Variants in LINGO2 observed in about 807,000 individuals in gnomAD.
The protein encoded by LINGO2 is leucine rich repeat and Ig domain containing 2.
A neutral mutation model predicts 30.6 loss-of-function variants in LINGO2; 14 were observed. That is an observed-to-expected ratio of 0.46 (90% CI 0.30 to 0.72). The LOEUF (loss-of-function observed/expected upper bound fraction) is 0.72, where lower values mean the gene tolerates loss of function less well. Among genes scored for constraint, LINGO2 ranks in the 30% least tolerant of loss-of-function variants. The pLI, the probability that LINGO2 is intolerant of heterozygous loss-of-function variation, is 0.07. For missense variants in LINGO2, 729 were observed against 751.7 expected (o/e 0.97, Z 0.35); for synonymous variants, 317 against 288.5 (o/e 1.10, Z -1.00).
chr9:28,050,887 T>G (rs1013807823), intron 4 of LINGO2, among the ~76,000 whole-genome samples: 1 of 150,998 alleles, frequency 6.6e-6, no homozygotes, highest in Non-Finnish European at 1.5e-5. Flanking sequence ...GAGTAATAAA[T>G]ACCATTAATC....
At chr9:29,077,781 GGGAAA>G in the LINGO2 span, among the ~76,000 whole-genome samples, 1 of 151,770 alleles carries the variant, frequency 6.6e-6, no homozygotes, top group African/African-American at 2.4e-5. Context: ...AAACAATGTG[GGGAAA>G]CATATCAACC....
intron 4 of LINGO2, among the ~76,000 whole-genome samples, chr9:28,141,779 A>G (rs1220953295): frequency 6.6e-6 from 1 of 152,038 alleles, no homozygotes; most frequent in Non-Finnish European, 1.5e-5. Flanking sequence ...AGCTGGGGTG[A>G]CCCATGCCTG....
At chr9:29,073,952 G>C in the LINGO2 span, among the ~76,000 whole-genome samples, 1 of 152,088 alleles carries the variant, frequency 6.6e-6, no homozygotes, top group African/African-American at 2.4e-5. Context: ...AACTATGAAA[G>C]CTACCATTCA....
chr9:28,330,814 G>A (rs1825391840), intron 3 of LINGO2, among the ~76,000 whole-genome samples: 1 of 152,104 alleles, frequency 6.6e-6, no homozygotes, highest in Non-Finnish European at 1.5e-5. Context: ...GACATGTGGT[G>A]TTCAAAAGAG....
the LINGO2 span, among the ~76,000 whole-genome samples, chr9:29,133,436 A>T: frequency 2.6e-4 from 39 of 152,250 alleles, no homozygotes; most frequent in Admixed American, 1.4e-3. Context: ...TCAGTATATT[A>T]AAGAACCTTG....
intron 4 of LINGO2, among the ~76,000 whole-genome samples, chr9:28,029,295 G>A (rs1587723387): frequency 6.6e-6 from 1 of 152,136 alleles, no homozygotes; most frequent in South Asian, 2.1e-4. Context: ...TCTTGGGAGT[G>A]GGATCCAGGA....
chr9:28,983,488 A>C, the LINGO2 span, among the ~76,000 whole-genome samples: 4 of 151,896 alleles, frequency 2.6e-5, no homozygotes, highest in Admixed American at 6.6e-5. Context: ...TAAAGTTCTT[A>C]AGTATAAAAT....
the LINGO2 span, among the ~76,000 whole-genome samples, chr9:28,769,397 C>A: frequency 7.5e-6 from 1 of 133,604 alleles, no homozygotes; most frequent in Non-Finnish European, 1.6e-5. Context: ...TCTTTAAGTA[C>A]AAGACATTGG....
chr9:28,853,382 A>G, the LINGO2 span, among the ~76,000 whole-genome samples: 1 of 152,064 alleles, frequency 6.6e-6, no homozygotes, highest in African/African-American at 2.4e-5. Flanking sequence ...ATGTAATGGT[A>G]TGCTATCAAG....
chr9:28,455,148 A>G (rs16913128), intron 2 of LINGO2, among the ~76,000 whole-genome samples: 3,701 of 152,086 alleles, frequency 0.024, 142 homozygotes, highest in African/African-American at 0.082. Context: ...CATCATGCTT[A>G]CCACATAGAA....
intron 1 of LINGO2, among the ~76,000 whole-genome samples, chr9:28,653,340 A>T (rs967714890): frequency 2.6e-5 from 4 of 152,142 alleles, no homozygotes; most frequent in African/African-American, 9.7e-5. Context: ...AATGCTAGAG[A>T]ATCTTGCAAT....
chr9:28,160,943 T>C (rs979298073), intron 4 of LINGO2, among the ~76,000 whole-genome samples: 1 of 152,172 alleles, frequency 6.6e-6, no homozygotes, highest in Non-Finnish European at 1.5e-5. Context: ...CCCATGCTCC[T>C]GAACAGTGTT....
At chr9:28,429,380 A>G (rs1288243715) in intron 2 of LINGO2, among the ~76,000 whole-genome samples, 8 of 152,160 alleles carry the variant, frequency 5.3e-5, no homozygotes, top group Non-Finnish European at 5.9e-5. Context: ...GTATAATGAC[A>G]ATGTGTTAGT....
At chr9:28,949,087 C>T in the LINGO2 span, among the ~76,000 whole-genome samples, 5 of 152,110 alleles carry the variant, frequency 3.3e-5, no homozygotes, top group African/African-American at 1.2e-4. Context: ...GTTGTTGTCT[C>T]GTAGCTGCAA....
intron 4 of LINGO2, among the ~76,000 whole-genome samples, chr9:28,211,042 G>A (rs1244370301): frequency 6.6e-6 from 1 of 151,432 alleles, no homozygotes; most frequent in Non-Finnish European, 1.5e-5. Context: ...TTGAGAAAAT[G>A]CAAATTTCAT....
At chr9:29,075,751 G>C in the LINGO2 span, among the ~76,000 whole-genome samples, 1 of 152,056 alleles carries the variant, frequency 6.6e-6, no homozygotes, top group Admixed American at 6.6e-5. Context: ...GTTAGCAAAG[G>C]CTAGCAGAAA....
the LINGO2 span, among the ~76,000 whole-genome samples, chr9:29,192,671 G>T: frequency 2.0e-5 from 3 of 151,946 alleles, no homozygotes; most frequent in Non-Finnish European, 4.4e-5. Context: ...ATCTCAATTC[G>T]GCCAAGCAGA....
intron 4 of LINGO2, among the ~76,000 whole-genome samples, chr9:28,201,239 C>T (rs1186288122): frequency 6.9e-6 from 1 of 145,410 alleles, no homozygotes; most frequent in Non-Finnish European, 1.5e-5. Flanking sequence ...CCCCCCAACC[C>T]CACCACAGTC....
intron 1 of LINGO2, among the ~76,000 whole-genome samples, chr9:28,531,105 C>T (rs1032417608): frequency 6.7e-6 from 1 of 149,648 alleles, no homozygotes; most frequent in Admixed American, 6.7e-5. Context: ...GCATCTTATA[C>T]TTTATCTGGC....
Sources: gnomAD v4.1 joint callset for allele counts (sites outside exome capture counted in the v4.1 genomes callset) on GRCh38, gnomAD v4.1.1 for gene constraint, MANE v1.5 for transcripts, NCBI Gene and HGNC (gene_info 2026-07-23, HGNC 2026-07-21) for gene names.